The following WWOX variants were observed in gnomAD, a reference collection of about 807,000 sequenced individuals.
The protein encoded by WWOX is WW domain containing oxidoreductase.
In WWOX, 69 loss-of-function variants were observed where a neutral mutation model predicts 46.2. That is an observed-to-expected ratio of 1.49 (90% CI 1.23 to 1.82). The LOEUF (loss-of-function observed/expected upper bound fraction) is 1.82. Ranked by LOEUF, WWOX falls within the 40% of genes most tolerant of loss-of-function variation. The probability of loss-of-function intolerance (pLI) is 0.00; values close to 1 mark genes in which losing one functional copy is unlikely to be tolerated. For synonymous variants in WWOX, 359 were observed against 202.6 expected, an observed-to-expected ratio of 1.77 and a Z score of -6.56; for missense variants, 919 against 542.6, an observed-to-expected ratio of 1.69 and a Z score of -6.89.
intron 4 of WWOX, among the ~76,000 whole-genome samples, chr16:78,125,698 C>G (rs889098081): frequency 6.6e-6 from 1 of 152,058 alleles, no homozygotes; most frequent in Non-Finnish European, 1.5e-5. Flanking sequence ...CCCATCTCTA[C>G]CAAATCAAAT....
At chr16:78,375,913 A>G (rs4888797) in intron 5 of WWOX, among the ~76,000 whole-genome samples, 139,358 of 150,044 alleles carry the variant, frequency 0.93, 64,989 homozygotes, top group African/African-American at 0.98. Flanking sequence ...GTGCAGTGGC[A>G]TGATGTTGGC....
rs2082535897 is a variant in WWOX, at chr16:78,406,310, ATATATATATATATATATATATAT to A, written c.606-18559_606-18537del. ...TTACAGCATATAAATATAAATATAT[ATATATATATATATATATATATAT>A]ATATATATATATATATATATATTTT... On this transcript the variant is annotated intron_variant, in intron 6 of 8. Transcript: ENST00000566780. 8.7e-4 allele frequency among the ~76,000 whole-genome samples: 29 copies of A among 33,448 alleles called. 2 individuals are homozygous for A. The highest frequency in any genetic ancestry group is 6.1e-3 in the African/African-American group (21 of 3,438). 21.9% of individuals were successfully genotyped at this position (33,448 alleles called of 152,430 possible). A position where few individuals can be genotyped will look rare whatever the true frequency, so the allele number is the denominator to read the frequency against.
At chr16:78,739,372 A>G (rs1267052699) in intron 8 of WWOX, among the ~76,000 whole-genome samples, 5 of 152,120 alleles carry the variant, frequency 3.3e-5, no homozygotes, top group South Asian at 2.1e-4. Context: ...TTAGCCAACA[A>G]TTTTGGAGGC....
Position 78,543,267 on chromosome 16 carries a change from T to G in WWOX, c.1056+110515T>G, listed in dbSNP as rs111986641. 2.8e-4 allele frequency among the ~76,000 whole-genome samples: 43 copies of G among 152,168 alleles called. 1 individual carries two copies. The highest frequency in any genetic ancestry group is 9.6e-4 in the African/African-American group (40 of 41,544). On this transcript the variant is annotated intron_variant, in intron 8 of 8. Coordinates refer to ENST00000566780, the MANE Select transcript of WWOX (RefSeq NM_016373.4). ...TTTGGTCTGAAGTGTCACGAGTCGTTTCCTCTTGGCTGCCTACTGGCTAGG... is the reference window on the plus strand; with the variant it reads ...TTTGGTCTGAAGTGTCACGAGTCGTGTCCTCTTGGCTGCCTACTGGCTAGG...
At chr16:78,793,564 A>G (rs571749212) in intron 8 of WWOX, among the ~76,000 whole-genome samples, 4 of 152,346 alleles carry the variant, frequency 2.6e-5, no homozygotes, top group Admixed American at 6.5e-5. Flanking sequence ...GGTTATTAGC[A>G]TAAAACACAG....
intron 8 of WWOX, among the ~76,000 whole-genome samples, chr16:78,803,880 C>T (rs1007540879): frequency 4.6e-5 from 7 of 152,152 alleles, no homozygotes; most frequent in African/African-American, 1.7e-4. Flanking sequence ...TGCTTCGTTT[C>T]TCCCAAATAA....
intron 8 of WWOX, among the ~76,000 whole-genome samples, chr16:78,766,357 G>T (rs1381743865): frequency 6.6e-6 from 1 of 152,208 alleles, no homozygotes; most frequent in East Asian, 1.9e-4. Context: ...CACTTGGAGA[G>T]GCTGAGGTGG....
chr16:78,420,084 G>A (rs56275232), intron 6 of WWOX, among the ~76,000 whole-genome samples: 13,398 of 152,084 alleles, frequency 0.088, 1,690 homozygotes, highest in African/African-American at 0.28. Flanking sequence ...TCCACTTATT[G>A]CTAGGATGGC....
rs549615887 is a variant in WWOX at position 78,352,407 on chromosome 16, G to C, written c.517-34453G>C. Among the ~76,000 whole-genome samples, 388 of 152,256 alleles carry C rather than the reference G, an allele frequency of 2.5e-3. 1 individual carries two copies. The highest frequency in any genetic ancestry group is 4.3e-3 in the Non-Finnish European group (295 of 68,030). Reference sequence around the variant, plus strand: ...CAGCAGGACACCATTTCTTTCTGTAGGTTCTAGAAGAGAACCCACTTCCTT... The same window carrying C: ...CAGCAGGACACCATTTCTTTCTGTACGTTCTAGAAGAGAACCCACTTCCTT... On this transcript the variant is annotated intron_variant, in intron 5 of 8. Coordinates refer to ENST00000566780, the MANE Select transcript of WWOX (RefSeq NM_016373.4).
rs560162309 is a variant in WWOX, at chr16:78,177,922, C to T, written c.516+13633C>T. 2.0e-5 allele frequency among the ~76,000 whole-genome samples: 3 copies of T among 152,314 alleles called. No homozygotes were observed. In the East Asian group the frequency reaches 5.8e-4, roughly 29 times the overall value. ...AAGGAAGAACTTTAACGTCCATCCA[C>T]GGAGCCTCAAAGGCTAAAAATAATC... On this transcript the variant is annotated intron_variant, in intron 5 of 8. Coordinates refer to ENST00000566780, the MANE Select transcript of WWOX (RefSeq NM_016373.4).
rs138262766 is a variant in WWOX, at chr16:79,018,681, C to T, written c.1057-192927C>T. On this transcript the variant is annotated intron_variant, in intron 8 of 8. Coordinates refer to ENST00000566780, the MANE Select transcript of WWOX (RefSeq NM_016373.4). ...CATGCTCACCCCAATCAATGTGGGC[C>T]GCCTCCTCCACATGAAATCAACCAG... Among the ~76,000 whole-genome samples, 23 of 152,190 alleles carry T rather than the reference C, an allele frequency of 1.5e-4. No homozygotes were observed. The East Asian group carries it at 3.3e-3, about 22-fold the overall frequency.
chr16:78,761,955 A>G (rs1234320061), intron 8 of WWOX, among the ~76,000 whole-genome samples: 2 of 152,130 alleles, frequency 1.3e-5, no homozygotes, highest in Non-Finnish European at 2.9e-5. Context: ...GACAAAGACC[A>G]CCTAGGAAAT....
chr16:78,979,716 T>C (rs966426388), intron 8 of WWOX, among the ~76,000 whole-genome samples: 2 of 152,138 alleles, frequency 1.3e-5, no homozygotes, highest in Non-Finnish European at 2.9e-5. Flanking sequence ...AGGCATGAGA[T>C]GCTGAAGATA....
intron 5 of WWOX, among the ~76,000 whole-genome samples, chr16:78,373,937 C>T (rs1690160850): frequency 6.6e-6 from 1 of 152,190 alleles, no homozygotes; most frequent in Non-Finnish European, 1.5e-5. Context: ...AATACGTGTG[C>T]CACCAGGCCC....
intron 8 of WWOX, among the ~76,000 whole-genome samples, chr16:78,749,705 A>G (rs913575741): frequency 5.9e-5 from 9 of 152,198 alleles, no homozygotes; most frequent in Admixed American, 2.6e-4. Context: ...TTTAATATAT[A>G]TCTGTGAAAA....
intron 8 of WWOX, among the ~76,000 whole-genome samples, chr16:78,995,351 A>T (rs2046969388): frequency 6.6e-6 from 1 of 152,102 alleles, no homozygotes; most frequent in Admixed American, 6.5e-5. Flanking sequence ...GTCATCCCTG[A>T]GAAGTGTGCC....
At chr16:78,672,757 G>A (rs992233496) in intron 8 of WWOX, among the ~76,000 whole-genome samples, 2 of 152,212 alleles carry the variant, frequency 1.3e-5, no homozygotes, top group Non-Finnish European at 2.9e-5. Context: ...TTTAGGGTCT[G>A]GCATTTGTAC....
chr16:78,834,942 A>G (rs1022277570), intron 8 of WWOX, among the ~76,000 whole-genome samples: 1 of 152,198 alleles, frequency 6.6e-6, no homozygotes, highest in Non-Finnish European at 1.5e-5. Context: ...GTTCGTAATT[A>G]TTGAAGGGCT....
intron 8 of WWOX, among the ~76,000 whole-genome samples, chr16:78,823,788 T>G (rs1469117457): frequency 6.6e-6 from 1 of 151,792 alleles, no homozygotes; most frequent in Admixed American, 6.6e-5. Flanking sequence ...GTTATTTTTT[T>G]TTTTTTAAGA....
Sources: gnomAD v4.1 joint callset for allele counts (sites outside exome capture counted in the v4.1 genomes callset) on GRCh38, gnomAD v4.1.1 for gene constraint, MANE v1.5 for transcripts, NCBI Gene and HGNC (gene_info 2026-07-23, HGNC 2026-07-21) for gene names.